The following TJP3 variants were observed in gnomAD, a reference collection of about 807,000 sequenced individuals.
The protein encoded by TJP3 is tight junction protein 3, also known as tight junction protein ZO-3.
TJP3 carries 85 observed loss-of-function variants against 104.2 expected under a neutral mutation model. The ratio of observed to expected loss-of-function variants is 0.82; its 90% CI spans 0.68 to 0.98. TJP3 has a LOEUF of 0.98. Ranked by LOEUF, TJP3 falls within the 50% of genes least tolerant of loss-of-function variation. The probability of loss-of-function intolerance (pLI) is 0.00; values close to 1 mark genes in which losing one functional copy is unlikely to be tolerated. For synonymous variants in TJP3, 550 were observed against 550.6 expected, an observed-to-expected ratio of 1.00 and a Z score of 0.02; for missense variants, 1,367 against 1,322.8, an observed-to-expected ratio of 1.03 and a Z score of -0.52.
chr19:3,732,805 T>G, intron 6 of TJP3, among the ~76,000 whole-genome samples: 1 of 149,272 alleles, frequency 6.7e-6, no homozygotes, highest in South Asian at 2.1e-4. Context: ...CACCACACCT[T>G]GCTAATTTTT....
Position 3,747,980 on chromosome 19 carries a change from C to A in TJP3, c.2509C>A (p.Pro837Thr). The stretch of plus-strand genomic sequence containing the variant: ...GCCCTACACGGATGTGGATGATGAG[C>A]CCCCGGCTCCAGCCCTGGCCCGGTC... Reference protein sequence around the residue: ...GGPYTDVDDEPPAPALARSSE... With the variant: ...GGPYTDVDDETPAPALARSSE... Residue 837 changes from proline (P) to threonine (T), a missense_variant, in exon 19 of 21, where the codon CCC becomes ACC. Coordinates refer to ENST00000541714, the MANE Select transcript of TJP3 (RefSeq NM_001267560.2). The A allele has an allele frequency of 1.9e-6, 3 of 1,612,224 alleles. No individual in the cohort carries two copies. Among genetic ancestry groups the A allele is most frequent in the Non-Finnish European group, 2.5e-6 (3 of 1,179,590 alleles).
At chr19:3,736,947 T>C (rs1362428643) in intron 11 of TJP3, among the ~76,000 whole-genome samples, 1 of 151,426 alleles carries the variant, frequency 6.6e-6, no homozygotes, top group Non-Finnish European at 1.5e-5. Flanking sequence ...GGGTGTGATC[T>C]TGGCTCACTG....
Position 3,739,205 on chromosome 19 carries a change from G to C in TJP3, c.1631+71G>C, listed in dbSNP as rs909366927. The C allele has an allele frequency of 5.0e-6, 7 of 1,392,612 alleles. No homozygotes were observed. The South Asian group carries it at 5.7e-5, about 11-fold the overall frequency. 86.3% of individuals were successfully genotyped at this position (1,392,612 alleles called of 1,614,324 possible). A position where few individuals can be genotyped will look rare whatever the true frequency, so the allele number is the denominator to read the frequency against. ...CAGTCTCCCCGTTAGAAATGGGCTC[G>C]ATTGGGCTGGACGCGGTGGCTCAGG... On this transcript the variant is annotated intron_variant, in intron 13 of 20. Coordinates refer to ENST00000541714, the MANE Select transcript of TJP3 (RefSeq NM_001267560.2).
At position 3,728,497 on chromosome 19, in the gene TJP3, CCT is replaced by C. The variant is rs58440297; in HGVS notation, c.48+18_48+19del. On this transcript the variant is annotated intron_variant, in intron 2 of 20. Transcript: ENST00000541714. ...CTGTCCAAGGTGAGGCCTCCCTCTC[CCT>C]GTCTGGGTGCCAGAGAGTATGGCGG... 0.18 allele frequency: 296,581 copies of C among 1,607,358 alleles called. 28,296 individuals carry two copies. The highest frequency in any genetic ancestry group is 0.28 in the Admixed American group (16,444 of 58,716).
Position 3,746,957 on chromosome 19 carries a change from C to G in TJP3, c.2322+81C>G, listed in dbSNP as rs933622350. On this transcript the variant is annotated intron_variant, in intron 18 of 20. Transcript: ENST00000541714. The surrounding 1 kb of genome is among the most constrained non-coding windows in gnomAD (Gnocchi z 4.1). ...CCCAGCTGGGGTTTGGGGCCTCTGT[C>G]GGGAGTTAGGGCTTGGTCAGGGATC... The G allele has an allele frequency of 1.6e-5, 22 of 1,369,882 alleles. No individual in the cohort carries two copies. Among genetic ancestry groups the G allele is most frequent in the Non-Finnish European group, 2.1e-5 (21 of 989,294 alleles). The allele number at this position is 1,369,882 out of a possible 1,614,324, so 84.9% of individuals were successfully genotyped here.
intron 20 of TJP3, among the ~76,000 whole-genome samples, 154 bp downstream of exon 20, chr19:3,750,338 T>A (rs1599168295): frequency 6.6e-6 from 1 of 152,136 alleles, no homozygotes; most frequent in Admixed American, 6.5e-5. Context: ...CCCCATATAA[T>A]CAGGGCCAAG....
At chr19:3,738,072 G>A (rs971665148) in intron 11 of TJP3, among the ~76,000 whole-genome samples, 1 of 68,736 alleles carries the variant, frequency 1.5e-5, no homozygotes, top group Non-Finnish European at 3.1e-5. Flanking sequence ...TCATGACCCG[G>A]AGAGCAGATG....
chr19:3,748,079 C>A lies in TJP3; in HGVS notation c.2608C>A (p.Gln870Lys), dbSNP rs773626084. The change falls in exon 19 of 21, where the codon CAG becomes AAG. Residue 870 changes from glutamine to lysine, a missense_variant and splice_region_variant. Transcript: ENST00000541714. ...GAGAATCTCGGCTCATCAGGGGGCC[C>A]AGGTGCGTCGGACATGGGGGGCAGG... is the stretch of plus-strand genomic sequence containing the variant. ...RGRISAHQGA[Q>K]VDSRHPQGQW... 4.5e-6 allele frequency: 7 copies of A among 1,558,322 alleles called. No homozygotes were observed. Among genetic ancestry groups the A allele is most frequent in the Non-Finnish European group, 6.1e-6 (7 of 1,150,530 alleles).
At position 3,730,287 on chromosome 19, in the gene TJP3, C is replaced by T. The variant is rs369263195; in HGVS notation, c.262-68C>T. Reference sequence around the variant, plus strand: ...GAGACTGGTGTCCCCCAGGGCCACCCGGGGGCTGAGCAGAGCCTCCCCCAG... The same window carrying T: ...GAGACTGGTGTCCCCCAGGGCCACCTGGGGGCTGAGCAGAGCCTCCCCCAG... On this transcript the variant is annotated intron_variant, in intron 4 of 20. Coordinates refer to ENST00000541714, the MANE Select transcript of TJP3 (RefSeq NM_001267560.2). The surrounding 1 kb of genome is among the most constrained non-coding windows in gnomAD (Gnocchi z 7.3). 702 of 1,493,282 alleles carry T rather than the reference C, an allele frequency of 4.7e-4. No homozygotes were observed. Among genetic ancestry groups the T allele is most frequent in the Middle Eastern group, 2.9e-3 (16 of 5,534 alleles). The allele number at this position is 1,493,282 out of a possible 1,614,324, so 92.5% of individuals were successfully genotyped here.
intron 1 of TJP3, among the ~76,000 whole-genome samples, chr19:3,716,484 C>G (rs1474138612): frequency 6.7e-6 from 1 of 148,240 alleles, no homozygotes; most frequent in East Asian, 2.0e-4. Flanking sequence ...CCAAATCCCT[C>G]AGGCCAGCTC....
In TJP3 at chr19:3,746,819, G is replaced by A. The variant is rs573931342; in HGVS notation, c.2265G>A (p.Glu755=). Residue 755 remains glutamate, a synonymous_variant, in exon 18 of 21, where the codon GAG becomes GAA. Transcript: ENST00000541714. This position sits in a 1 kb window ranked among gnomAD's most constrained non-coding sequence, Gnocchi z 4.1. ...GCACGAGTGACACCTGGTACCAGGA[G>A]CTCAAGGCCATCATTCGAGAGCAGC... ...LNGTSDTWYQ[E]LKAIIREQQT... The A allele has an allele frequency of 8.1e-6, 13 of 1,612,288 alleles. No homozygotes were observed. The South Asian group carries it at 9.9e-5, about 12-fold the overall frequency.
intron 1 of TJP3, among the ~76,000 whole-genome samples, chr19:3,722,447 C>T (rs2036550494): frequency 6.6e-6 from 1 of 151,978 alleles, no homozygotes; most frequent in South Asian, 2.1e-4. Context: ...GGTGAACATT[C>T]ACCTCCTACA....
At chr19:3,713,671 CTGTG>C (rs1051326821) in intron 1 of TJP3, among the ~76,000 whole-genome samples, 2 of 152,080 alleles carry the variant, frequency 1.3e-5, no homozygotes, top group African/African-American at 4.8e-5. Context: ...AAGGAATTCT[CTGTG>C]TATTTACTTT....
Position 3,750,118 on chromosome 19 carries a change from C to A in TJP3, c.2611-20C>A. ...TGCTCTGGGGGGAGTTTTGAAGCTC[C>A]TCTCTCCCTCTCCTCCAAGGTGGAC... On this transcript the variant is annotated intron_variant, in intron 19 of 20. Coordinates refer to ENST00000541714, the MANE Select transcript of TJP3 (RefSeq NM_001267560.2). 2 of 1,614,054 alleles carry A rather than the reference C, an allele frequency of 1.2e-6. No individual in the cohort carries two copies. The highest frequency in any genetic ancestry group is 1.7e-6 in the Non-Finnish European group (2 of 1,179,982).
chr19:3,734,517 C>A, intron 8 of TJP3, 82 bp downstream of exon 8: 1 of 1,268,728 alleles, frequency 7.9e-7, no homozygotes, highest in Non-Finnish European at 1.1e-6. Flanking sequence ...CGTAGCTTTC[C>A]AACTGGGGGT....
rs772895774 is a variant in TJP3 at position 3,746,067 on chromosome 19, G to A, written c.1996G>A (p.Val666Met). Residue 666 changes from valine (V) to methionine (M), a missense_variant, in exon 16 of 21, where the codon GTG becomes ATG. Coordinates refer to ENST00000541714, the MANE Select transcript of TJP3 (RefSeq NM_001267560.2). This position sits in a 1 kb window ranked among gnomAD's most constrained non-coding sequence, Gnocchi z 4.1. ...SKIIKLDTVR[V>M]IAEKDKHALL... The stretch of plus-strand genomic sequence containing the variant: ...GATCATCAAACTAGACACCGTGCGG[G>A]TGATTGCAGAAAAAGTAAGCCGGGT... 4 of 1,609,514 alleles carry A rather than the reference G, an allele frequency of 2.5e-6. No individual in the cohort carries two copies. Among genetic ancestry groups the A allele is most frequent in the East Asian group, 2.2e-5 (1 of 44,810 alleles).
rs142305153 is a variant in TJP3 at position 3,739,080 on chromosome 19, G to A, written c.1577G>A (p.Arg526His). 20 of 1,603,660 alleles carry A rather than the reference G, an allele frequency of 1.2e-5. No individual in the cohort carries two copies. Among genetic ancestry groups the A allele is most frequent in the African/African-American group, 1.2e-4 (9 of 74,768 alleles). ...CGAGGAGGCCACTGGCTGGCGGTGC[G>A]CATGGGTCGTGACCTGCGGGAGCAA... Reference protein sequence around the residue: ...HARGGHWLAVRMGRDLREQER... With the variant: ...HARGGHWLAVHMGRDLREQER... Residue 526 changes from arginine to histidine, a missense_variant, in exon 13 of 21, where the codon CGC becomes CAC. Physicochemically the swap from Arg to His is conservative, Grantham distance 29 (BLOSUM62 0). Transcript: ENST00000541714.
At position 3,719,449 on chromosome 19, in the gene TJP3, TG is replaced by T. The variant is rs557696837; in HGVS notation, c.-9-8974del. Among the ~76,000 whole-genome samples the T allele has an allele frequency of 2.6e-3, 399 of 152,024 alleles. 3 individuals carry two copies. Among genetic ancestry groups the T allele is most frequent in the African/African-American group, 9.0e-3 (374 of 41,486 alleles). ...CCTTCATCTATAAAATATGTGTGTG[TG>T]TGTGGCTGGGAGTAGTGGCTCATGC... On this transcript the variant is annotated intron_variant, in intron 1 of 20. Coordinates refer to ENST00000541714, the MANE Select transcript of TJP3 (RefSeq NM_001267560.2).
intron 11 of TJP3, among the ~76,000 whole-genome samples, chr19:3,738,039 G>A (rs1346878096): frequency 1.3e-5 from 2 of 151,468 alleles, no homozygotes; most frequent in African/African-American, 2.4e-5. Flanking sequence ...GCAGGTGGCT[G>A]TGTCTGTATA....
Sources: allele counts gnomAD v4.1 joint callset (sites outside exome capture counted in the v4.1 genomes callset), GRCh38; gene constraint gnomAD v4.1.1; non-coding constraint Gnocchi (gnomAD v3.1); transcripts MANE v1.5; gene names NCBI Gene and HGNC (gene_info 2026-07-23, HGNC 2026-07-21).